Variants in RANBP10 observed in about 807,000 individuals in gnomAD.
RANBP10 encodes the protein RAN binding protein 10, also known as ran-binding protein 10.
Under a neutral mutation model 72.8 loss-of-function variants are expected in RANBP10, and 24 were observed. The ratio of observed to expected loss-of-function variants is 0.33; its 90% CI spans 0.24 to 0.46. The LOEUF (loss-of-function observed/expected upper bound fraction) is 0.46. RANBP10 is among the 20% of genes least tolerant of loss of function. RANBP10 has a pLI of 1.00. For synonymous variants in RANBP10, 310 were observed against 322.3 expected, an observed-to-expected ratio of 0.96 and a Z score of 0.41; for missense variants, 679 against 817.5, an observed-to-expected ratio of 0.83 and a Z score of 2.07.
rs146809080 is a variant in RANBP10, at chr16:67,753,456, T to G, written c.401-9001A>C. 4.5e-3 allele frequency among the ~76,000 whole-genome samples: 691 copies of G among 152,284 alleles called. 3 individuals are homozygous for G. The highest frequency in any genetic ancestry group is 7.2e-3 in the Non-Finnish European group (493 of 68,014). Reference sequence around the variant, plus strand: ...TGGCAGTGAGCTATAATCGTGCTATTGCACTCCAGCCTGGGCAATAAAGAT... The same window carrying G: ...TGGCAGTGAGCTATAATCGTGCTATGGCACTCCAGCCTGGGCAATAAAGAT... On this transcript the variant is annotated intron_variant, in intron 3 of 13. Coordinates refer to ENST00000317506, the MANE Select transcript of RANBP10 (RefSeq NM_020850.3).
At chr16:67,736,213 G>T (rs1326016873) in intron 5 of RANBP10, among the ~76,000 whole-genome samples, 1 of 152,012 alleles carries the variant, frequency 6.6e-6, no homozygotes, top group Non-Finnish European at 1.5e-5. Flanking sequence ...CCAGGCTGGA[G>T]TGCAATGGCG....
intron 3 of RANBP10, among the ~76,000 whole-genome samples, chr16:67,755,886 G>A (rs1422132958): frequency 6.6e-6 from 1 of 152,100 alleles, no homozygotes; most frequent in Non-Finnish European, 1.5e-5. Context: ...CCAGAGAGAA[G>A]TGATGGGCAG....
chr16:67,727,977 CG>C, intron 11 of RANBP10, 81 bp from the exon 12 acceptor site: 1 of 1,502,480 alleles, frequency 6.7e-7, no homozygotes, highest in Non-Finnish European at 9.1e-7. Context: ...GGAAGGACCC[CG>C]GGTGGGCTGC....
Position 67,801,486 on chromosome 16 carries a change from C to T in RANBP10, c.347+3942G>A, listed in dbSNP as rs529468347. Among the ~76,000 whole-genome samples the T allele has an allele frequency of 2.2e-4, 33 of 152,250 alleles. 2 individuals carry two copies. The South Asian group carries it at 4.6e-3, about 21-fold the overall frequency. ...CCTAAGCCCTGCAGCCAGGGTAGGC[C>T]ACCAAACATCCCAGGGACTCAGGGC... On this transcript the variant is annotated intron_variant, in intron 2 of 13. Transcript: ENST00000317506.
chr16:67,803,712 C>T (rs538083757), intron 2 of RANBP10, among the ~76,000 whole-genome samples: 23 of 148,302 alleles, frequency 1.6e-4, no homozygotes, highest in African/African-American at 5.7e-4. Flanking sequence ...TTCCCAGTTA[C>T]TCAGGAGGCT....
In RANBP10 at chr16:67,729,272, G is replaced by T. The variant is rs1279327722; in HGVS notation, c.1352+8C>A. 2 of 1,611,536 alleles carry T rather than the reference G, an allele frequency of 1.2e-6. No individual in the cohort carries two copies. The highest frequency in any genetic ancestry group is 2.7e-5 in the African/African-American group (2 of 74,868). ...AAGGCAGAGGAGGAAGCAGAGCAAG[G>T]CAGGCACCTGGTCTCCTGGTTACTG... On this transcript the variant is annotated splice_region_variant and intron_variant, in intron 10 of 13. Transcript: ENST00000317506. The surrounding 1 kb of genome is among the most constrained non-coding windows in gnomAD (Gnocchi z 7.1).
intron 4 of RANBP10, among the ~76,000 whole-genome samples, chr16:67,742,088 T>A (rs756654507): frequency 3.4e-4 from 52 of 151,728 alleles, no homozygotes; most frequent in Admixed American, 5.3e-4. Flanking sequence ...TTTTTTTTTT[T>A]AATATAGGGA....
chr16:67,780,783 CA>C (rs1289912248), intron 2 of RANBP10, among the ~76,000 whole-genome samples: 4 of 152,152 alleles, frequency 2.6e-5, no homozygotes, highest in Admixed American at 6.5e-5. Context: ...TAGAGAAGCC[CA>C]AGACACTGCC....
At chr16:67,745,063 C>G (rs937896927) in intron 3 of RANBP10, among the ~76,000 whole-genome samples, 1 of 152,038 alleles carries the variant, frequency 6.6e-6, no homozygotes, top group Non-Finnish European at 1.5e-5. Flanking sequence ...ATCTCCTGAC[C>G]TCGTGATCCG....
chr16:67,785,740 A>AAAAAAAAAAAAAAAAAAAAAAAAAC (rs2054904912), intron 2 of RANBP10, among the ~76,000 whole-genome samples: 1 of 149,646 alleles, frequency 6.7e-6, no homozygotes, highest in African/African-American at 2.5e-5. Context: ...TCAAAAAAAA[A>AAAAAAAAAAAAAAAAAAAAAAAAAC]AAAAAAGCCA....
At chr16:67,731,205 T>G in intron 7 of RANBP10, 1 of 385,272 alleles carries the variant, frequency 2.6e-6, no homozygotes, top group South Asian at 2.8e-5. Context: ...AATGGAGGAA[T>G]GGAACCAGCC....
chr16:67,747,828 T>C (rs2054115727), intron 3 of RANBP10, among the ~76,000 whole-genome samples: 1 of 149,146 alleles, frequency 6.7e-6, no homozygotes, highest in South Asian at 2.1e-4. Flanking sequence ...TTTTTTTTTT[T>C]TTTTTTTTTT....
intron 2 of RANBP10, among the ~76,000 whole-genome samples, chr16:67,800,121 A>C (rs2055208510): frequency 6.6e-6 from 1 of 152,006 alleles, no homozygotes; most frequent in South Asian, 2.1e-4. Context: ...ACTCTGTTTC[A>C]AAAACAACAA....
chr16:67,755,683 CAAAAAAAAAAAAAAAA>C (rs58929828), intron 3 of RANBP10, among the ~76,000 whole-genome samples: 1 of 54,370 alleles, frequency 1.8e-5, no homozygotes, highest in African/African-American at 6.6e-5. Flanking sequence ...GACTCTGCCT[CAAAAAAAAAAAAAAAA>C]AAAAAAAAGG....
At chr16:67,738,829 G>GC (rs2053910028) in intron 4 of RANBP10, 2 of 152,328 alleles carry the variant, frequency 1.3e-5, no homozygotes, top group African/African-American at 4.8e-5. Context: ...AGATGCTTAG[G>GC]CAGGTGCATA....
chr16:67,736,981 A>C (rs1597834200), intron 5 of RANBP10, among the ~76,000 whole-genome samples: 1 of 152,228 alleles, frequency 6.6e-6, no homozygotes, highest in Admixed American at 6.5e-5. Flanking sequence ...CCAGAACCTA[A>C]CCAGAACACA....
At chr16:67,738,099 T>C in intron 4 of RANBP10, 64 bp from the exon 5 acceptor site, 1 of 1,490,644 alleles carries the variant, frequency 6.7e-7, no homozygotes, top group East Asian at 2.5e-5. Context: ...CTGCACCCCA[T>C]GGTGGAGCCA....
intron 13 of RANBP10, 145 bp from the exon 14 acceptor site, chr16:67,726,703 C>T: frequency 9.3e-7 from 1 of 1,079,920 alleles, no homozygotes; most frequent in Non-Finnish European, 1.3e-6. Context: ...GTGTCCCAGC[C>T]ACCAGGCCAT....
intron 3 of RANBP10, among the ~76,000 whole-genome samples, chr16:67,758,431 G>A (rs560403258): frequency 1.3e-5 from 2 of 152,292 alleles, no homozygotes; most frequent in African/African-American, 4.8e-5. Context: ...GGTGACCTAT[G>A]GTAACATATG....
Sources: allele counts gnomAD v4.1 joint callset (sites outside exome capture counted in the v4.1 genomes callset), GRCh38; gene constraint gnomAD v4.1.1; non-coding constraint Gnocchi (gnomAD v3.1); transcripts MANE v1.5; gene names NCBI Gene and HGNC (gene_info 2026-07-23, HGNC 2026-07-21).